GTF3C3: variants seen among roughly 807,000 people sequenced by gnomAD.
GTF3C3 encodes the protein general transcription factor 3C polypeptide 3.
In GTF3C3, 75 loss-of-function variants were observed where a neutral mutation model predicts 105.2. The ratio of observed to expected loss-of-function variants is 0.71; its 90% CI spans 0.59 to 0.86. The LOEUF (loss-of-function observed/expected upper bound fraction) is 0.86, where lower values mean the gene tolerates loss of function less well. GTF3C3 is among the 40% of genes least tolerant of loss of function. The pLI is 0.00. For synonymous variants in GTF3C3, 335 were observed against 370.4 expected (o/e 0.90, Z 1.10); for missense variants, 856 against 1,076.5 (o/e 0.80, Z 2.87).
intron 15 of GTF3C3, 98 bp downstream of exon 15, chr2:196,771,650 C>T: frequency 1.3e-6 from 1 of 748,156 alleles, no homozygotes; most frequent in Non-Finnish European, 2.3e-6. Context: ...TAATTTGTCA[C>T]AGTGAGGCTG....
chr2:196,782,371 A>G (rs1436233146), intron 8 of GTF3C3, among the ~76,000 whole-genome samples: 2 of 152,244 alleles, frequency 1.3e-5, no homozygotes, highest in Non-Finnish European at 2.9e-5. Flanking sequence ...CAAACGGACT[A>G]AGACACTGTT....
Position 196,776,522 on chromosome 2 carries a change from G to A in GTF3C3, c.1498C>T (p.Gln500Ter). Residue 500 changes from glutamine to a stop codon, truncating the protein, a stop_gained, in exon 11 of 18, where the codon CAG becomes TAG. Coordinates refer to ENST00000263956, the MANE Select transcript of GTF3C3 (RefSeq NM_012086.5). LOFTEE classifies it high-confidence loss of function. The surrounding 1 kb of genome is among the most constrained non-coding windows in gnomAD (Gnocchi z 4.5). Reference sequence around the variant, plus strand: ...TTCTCAGGCTGGCCCAGCTGCTGCTGAAGGGTAGAAAGTGAAATCCTTGCA... The same window carrying A: ...TTCTCAGGCTGGCCCAGCTGCTGCTAAAGGGTAGAAAGTGAAATCCTTGCA... ...LDARISLSTLQQQLGQPEKAL... is the reference protein window; with the variant it reads ...LDARISLSTL The A allele has an allele frequency of 6.2e-7, 1 of 1,614,172 alleles. No homozygotes were observed. Among genetic ancestry groups the A allele is most frequent in the Non-Finnish European group, 8.5e-7 (1 of 1,180,008 alleles).
At chr2:196,770,084 T>A in intron 15 of GTF3C3, 45 bp from the exon 16 acceptor site, 2 of 1,442,366 alleles carry the variant, frequency 1.4e-6, no homozygotes, top group Non-Finnish European at 1.8e-6. Context: ...AAGAACAGAG[T>A]TATTTATTTC....
rs1473550200 is a variant in GTF3C3, at chr2:196,771,689, A to G, written c.2260+59T>C. The G allele has an allele frequency of 3.4e-6, 4 of 1,160,950 alleles. No individual in the cohort carries two copies. In the East Asian group the frequency reaches 9.5e-5, roughly 27 times the overall value. The allele number at this position is 1,160,950 out of a possible 1,614,324, so 71.9% of individuals were successfully genotyped here. A position where few individuals can be genotyped will look rare whatever the true frequency, so the allele number is the denominator to read the frequency against. On this transcript the variant is annotated intron_variant, in intron 15 of 17. Coordinates refer to ENST00000263956, the MANE Select transcript of GTF3C3 (RefSeq NM_012086.5). ...ATTAACCCAGACAGTTCCAATCCAG[A>G]GGCTAGGCTCTTCACCACACTATTT...
rs145368241 is a variant in GTF3C3 at position 196,779,602 on chromosome 2, G to C, written c.1219-535C>G. On this transcript the variant is annotated intron_variant, in intron 9 of 17. Coordinates refer to ENST00000263956, the MANE Select transcript of GTF3C3 (RefSeq NM_012086.5). ...ACACAGCTCATCTGTTTTGCTCTTCGTCTAACCAGCACAACGTCTTGTGCC... is the reference window on the plus strand; with the variant it reads ...ACACAGCTCATCTGTTTTGCTCTTCCTCTAACCAGCACAACGTCTTGTGCC... Among the ~76,000 whole-genome samples, 166 of 152,272 alleles carry C rather than the reference G, an allele frequency of 1.1e-3. No homozygotes were observed. In the East Asian group the frequency reaches 0.019, roughly 18 times the overall value.
At chr2:196,765,533 AT>A (rs1412028238) in intron 17 of GTF3C3, among the ~76,000 whole-genome samples, 1 of 150,580 alleles carries the variant, frequency 6.6e-6, no homozygotes, top group Non-Finnish European at 1.5e-5. Flanking sequence ...ACATATAAAA[AT>A]ATATATAAAT....
chr2:196,764,581 A>G lies in GTF3C3; in HGVS notation c.2643T>C (p.Tyr881=). 5 of 1,613,998 alleles carry G rather than the reference A, an allele frequency of 3.1e-6. No homozygotes were observed. The highest frequency in any genetic ancestry group is 2.5e-6 in the Non-Finnish European group (3 of 1,179,872). ...CGGTGCTTTATATAGAACAATAGGTATACAAAAGCGTTTGAGCCATTCCGG... is the reference window on the plus strand; with the variant it reads ...CGGTGCTTTATATAGAACAATAGGTGTACAAAAGCGTTTGAGCCATTCCGG... ...GNTGMAQTLL[Y]TYCSI is the part of the protein sequence containing the mutation. Residue 881 remains tyrosine, a synonymous_variant, in exon 18 of 18, where the codon TAT becomes TAC. Coordinates refer to ENST00000263956, the MANE Select transcript of GTF3C3 (RefSeq NM_012086.5).
At position 196,799,618 on chromosome 2, in the gene GTF3C3, A is replaced by C. The variant is rs200517556; in HGVS notation, c.-7T>G. The C allele has an allele frequency of 1.8e-4, 281 of 1,603,466 alleles. 1 individual carries two copies. Among genetic ancestry groups the C allele is most frequent in the Non-Finnish European group, 6.0e-6 (7 of 1,170,334 alleles). ...CCGGACTGAACCCTGACATGTTTAC[A>C]GGGTCTGTCTGTGCAACCCCAGGAA... On this transcript the variant is annotated 5_prime_UTR_variant, in exon 1 of 18. Coordinates refer to ENST00000263956, the MANE Select transcript of GTF3C3 (RefSeq NM_012086.5).
Position 196,764,395 on chromosome 2 carries a change from G to T in GTF3C3, c.*168C>A. The T allele has an allele frequency of 1.8e-6, 1 of 541,070 alleles. No homozygotes were observed. The highest frequency in any genetic ancestry group is 3.0e-6 in the Non-Finnish European group (1 of 331,810). The allele number at this position is 541,070 out of a possible 1,614,324, so 33.5% of individuals were successfully genotyped here. ...TACAAATTTTTGTAGGAATAATTTT[G>T]CATATATACCACAAGATCATTATCA... On this transcript the variant is annotated 3_prime_UTR_variant, in exon 18 of 18. Transcript: ENST00000263956.
At chr2:196,778,200 G>A (rs1375794131) in intron 10 of GTF3C3, 5 of 151,764 alleles carry the variant, frequency 3.3e-5, no homozygotes, top group African/African-American at 4.8e-5. Flanking sequence ...TCTTTAATGC[G>A]TCTTTTATGT....
intron 17 of GTF3C3, among the ~76,000 whole-genome samples, chr2:196,765,535 A>C (rs1699045642): frequency 6.6e-6 from 1 of 150,430 alleles, no homozygotes; most frequent in Non-Finnish European, 1.5e-5. Flanking sequence ...ATATAAAAAT[A>C]TATATAAATA....
At chr2:196,792,905 C>T in intron 3 of GTF3C3, 51 bp downstream of exon 3, 2 of 1,232,334 alleles carry the variant, frequency 1.6e-6, no homozygotes, top group South Asian at 1.2e-5. Flanking sequence ...ACTTCAATTA[C>T]TATGTCACTT....
At chr2:196,772,128 G>C (rs1176269009) in intron 14 of GTF3C3, among the ~76,000 whole-genome samples, 190 bp from the exon 15 acceptor site, 1 of 152,172 alleles carries the variant, frequency 6.6e-6, no homozygotes, top group African/African-American at 2.4e-5. Flanking sequence ...AGAAAATGTT[G>C]CTTAAGTTAG....
chr2:196,798,523 GAAAATAAAAT>G (rs890104510), intron 1 of GTF3C3, among the ~76,000 whole-genome samples: 1 of 151,198 alleles, frequency 6.6e-6, no homozygotes, highest in South Asian at 2.1e-4. Context: ...GACTCTGTCT[GAAAATAAAAT>G]AAAATAAAAT....
At chr2:196,795,958 T>A (rs1466680946) in intron 2 of GTF3C3, among the ~76,000 whole-genome samples, 2 of 152,134 alleles carry the variant, frequency 1.3e-5, no homozygotes, top group Non-Finnish European at 2.9e-5. Flanking sequence ...ATATAAAAAT[T>A]ATAGTTTAAT....
At chr2:196,783,653 C>T (rs1245243761) in intron 8 of GTF3C3, among the ~76,000 whole-genome samples, 1 of 152,156 alleles carries the variant, frequency 6.6e-6, no homozygotes, top group Non-Finnish European at 1.5e-5. Flanking sequence ...CTCCTACACC[C>T]TGTGACTCAA....
At chr2:196,775,988 A>G in intron 12 of GTF3C3, 22 bp downstream of exon 12, 1 of 1,127,260 alleles carries the variant, frequency 8.9e-7, no homozygotes, top group Non-Finnish European at 1.3e-6. Flanking sequence ...CAAGGCTAAC[A>G]TAAAGAAAGA....
At chr2:196,765,847 A>G (rs924417057) in intron 17 of GTF3C3, among the ~76,000 whole-genome samples, 1 of 151,608 alleles carries the variant, frequency 6.6e-6, no homozygotes, top group Non-Finnish European at 1.5e-5. Flanking sequence ...CGTCTCTACT[A>G]AAAATACAAA....
intron 13 of GTF3C3, chr2:196,773,790 C>T (rs1444073811): frequency 7.0e-6 from 2 of 286,592 alleles, no homozygotes; most frequent in African/African-American, 2.2e-5. Flanking sequence ...AGCGTGCAAC[C>T]TAGATCCCTC....
Sources: allele counts gnomAD v4.1 joint callset (sites outside exome capture counted in the v4.1 genomes callset), GRCh38; gene constraint gnomAD v4.1.1; non-coding constraint Gnocchi (gnomAD v3.1); transcripts MANE v1.5; gene names NCBI Gene and HGNC (gene_info 2026-07-23, HGNC 2026-07-21).